BOD1L1: variants seen among roughly 807,000 people sequenced by gnomAD.
BOD1L1 encodes the protein biorientation of chromosomes in cell division 1 like 1.
In BOD1L1, 86 loss-of-function variants were observed where a neutral mutation model predicts 240.7. The ratio of observed to expected loss-of-function variants is 0.36; its 90% confidence interval spans 0.30 to 0.43. BOD1L1 has a LOEUF of 0.43. BOD1L1 is among the 20% of genes least tolerant of loss of function. The probability of loss-of-function intolerance (pLI) is 1.00; values close to 1 mark genes in which losing one functional copy is unlikely to be tolerated. For synonymous variants in BOD1L1, 1,268 were observed against 1,272.3 expected (o/e 1.00, Z 0.07); for missense variants, 3,554 against 3,643.5 (o/e 0.98, Z 0.63).
At chr4:13,579,877 TC>T (rs1713082784) in intron 22 of BOD1L1, 50 bp downstream of exon 22, 1 of 1,454,478 alleles carries the variant, frequency 6.9e-7, no homozygotes, top group Non-Finnish European at 9.3e-7. Flanking sequence ...ACAGCCAGCC[TC>T]TCCTGCCCCT....
chr4:13,617,493 G>A (rs1234018747), intron 2 of BOD1L1, among the ~76,000 whole-genome samples: 1 of 152,190 alleles, frequency 6.6e-6, no homozygotes, highest in African/African-American at 2.4e-5. Flanking sequence ...CCCAAGTGGG[G>A]AGAAGCTACA....
At chr4:13,598,795 T>C (rs981691797) in intron 10 of BOD1L1, 151 bp downstream of exon 10, 1 of 759,938 alleles carries the variant, frequency 1.3e-6, no homozygotes, top group Non-Finnish European at 2.0e-6. Context: ...TGATGAGAGT[T>C]ATTTTGCAAC....
intron 25 of BOD1L1, among the ~76,000 whole-genome samples, chr4:13,570,724 A>G (rs1712141866): frequency 6.6e-6 from 1 of 152,198 alleles, no homozygotes; most frequent in African/African-American, 2.4e-5. Context: ...CTAGAGATGT[A>G]TGAAGTTCCT....
In BOD1L1 at chr4:13,604,700, G is replaced by T; in HGVS notation, c.2200C>A (p.Pro734Thr). 6.3e-7 allele frequency: 1 copy of T among 1,595,824 alleles called. No individual in the cohort carries two copies. The highest frequency in any genetic ancestry group is 1.2e-5 in the South Asian group (1 of 85,894). ...SKEKPEREKT[P>T]SEDKLSVKHK... ...TTCACAGACAATTTGTCTTCCGATGGAGTTTTCTCTCTTTCAGGCTTCTCC... is the reference window on the plus strand; with the variant it reads ...TTCACAGACAATTTGTCTTCCGATGTAGTTTTCTCTCTTTCAGGCTTCTCC... The change falls in exon 10 of 26, where the codon CCA becomes ACA. Residue 734 changes from proline (P) to threonine (T), a missense_variant. Pro to Thr is a conservative substitution (Grantham distance 38). Transcript: ENST00000040738.
intron 1 of BOD1L1, chr4:13,624,925 T>A (rs112572360): frequency 1.3e-4 from 20 of 152,306 alleles, no homozygotes; most frequent in African/African-American, 3.8e-4. Flanking sequence ...ACTCAAGGAT[T>A]CCATTAAAGT....
At chr4:13,607,054 A>C in intron 9 of BOD1L1, 63 bp downstream of exon 9, 1 of 1,104,342 alleles carries the variant, frequency 9.1e-7, no homozygotes. Context: ...GTTTTACTCC[A>C]AAGGAATAAA....
At chr4:13,581,781 C>G (rs1713253287) in intron 19 of BOD1L1, among the ~76,000 whole-genome samples, 1 of 152,150 alleles carries the variant, frequency 6.6e-6, no homozygotes, top group African/African-American at 2.4e-5. Context: ...GTGCATGCAG[C>G]CTCCAGGAAT....
At chr4:13,581,266 T>TA in intron 19 of BOD1L1, 59 bp from the exon 20 acceptor site, 1 of 1,204,132 alleles carries the variant, frequency 8.3e-7, no homozygotes, top group African/African-American at 1.6e-5. Flanking sequence ...TCCTTTATTA[T>TA]ATAAAGTTTT....
At chr4:13,621,846 G>A (rs146757949) in intron 1 of BOD1L1, among the ~76,000 whole-genome samples, 2 of 149,110 alleles carry the variant, frequency 1.3e-5, no homozygotes, top group South Asian at 2.1e-4. Context: ...ATCCAAAATC[G>A]ATATGAACTA....
chr4:13,581,545 T>C (rs1392622024), intron 19 of BOD1L1, among the ~76,000 whole-genome samples: 4 of 152,194 alleles, frequency 2.6e-5, no homozygotes, highest in African/African-American at 9.7e-5. Context: ...GACCAAATGA[T>C]ACCCTTATAA....
At chr4:13,619,879 C>T (rs572939629) in intron 2 of BOD1L1, 64 bp downstream of exon 2, 434 of 1,555,166 alleles carry the variant, frequency 2.8e-4, no homozygotes, top group South Asian at 1.6e-3. Flanking sequence ...GTAATGCCTC[C>T]GCTTTCAGGC....
At chr4:13,573,418 A>ATCTGTCTGTCTG (rs762800220) in intron 25 of BOD1L1, among the ~76,000 whole-genome samples, 2 of 131,350 alleles carry the variant, frequency 1.5e-5, no homozygotes, top group East Asian at 2.5e-4. Flanking sequence ...GCTTCTATCT[A>ATCTGTCTGTCTG]TCTGTCTGTC....
chr4:13,622,166 T>A (rs1435557980), intron 1 of BOD1L1, among the ~76,000 whole-genome samples: 1 of 152,150 alleles, frequency 6.6e-6, no homozygotes, highest in Non-Finnish European at 1.5e-5. Flanking sequence ...TACCCAGCCC[T>A]AAAACTAATT....
chr4:13,581,576 AT>A (rs1475720237), intron 19 of BOD1L1, among the ~76,000 whole-genome samples: 1 of 149,428 alleles, frequency 6.7e-6, no homozygotes, highest in African/African-American at 2.5e-5. Flanking sequence ...GGTCCACTGA[AT>A]ATATCATACA....
At chr4:13,577,263 G>A (rs925588078) in intron 24 of BOD1L1, 140 bp downstream of exon 24, 16 of 783,638 alleles carry the variant, frequency 2.0e-5, no homozygotes, top group African/African-American at 1.8e-4. Context: ...TTTCTGACAC[G>A]GGATTAGACC....
At position 13,581,153 on chromosome 4, in the gene BOD1L1, C is replaced by T. The variant is rs1418059192; in HGVS notation, c.8647G>A (p.Val2883Ile). ...CTACTCATTTTTAACGTTGTTTCTA[C>T]AGGGTATTTGCGAGGTCTTCCTCTT... ...RKRGRPRKYP[V>I]ETTLKMKDDS... Residue 2883 changes from valine (V) to isoleucine (I), a missense_variant, in exon 20 of 26, where the codon GTA becomes ATA. Physicochemically the swap from Val to Ile is conservative, Grantham distance 29. This residue lies in a region of BOD1L1 where 3,393 missense variants were observed against 3,427.1 expected (regional missense o/e 0.99). Coordinates refer to ENST00000040738, the MANE Select transcript of BOD1L1 (RefSeq NM_148894.3). 4 of 1,577,160 alleles carry T rather than the reference C, an allele frequency of 2.5e-6. No homozygotes were observed. The African/African-American group carries it at 5.4e-5, about 21-fold the overall frequency.
chr4:13,579,873 A>G (rs1713082542), intron 22 of BOD1L1, 55 bp downstream of exon 22: 3 of 1,418,090 alleles, frequency 2.1e-6, no homozygotes, highest in Non-Finnish European at 2.9e-6. Flanking sequence ...TCCAACAGCC[A>G]GCCTCTCCTG....
At chr4:13,591,890 A>G (rs1560190180) in intron 13 of BOD1L1, 33 bp downstream of exon 13, 1 of 1,500,098 alleles carries the variant, frequency 6.7e-7, no homozygotes, top group Admixed American at 2.4e-5. Context: ...AAACCCAATA[A>G]CCACAAAAAT....
chr4:13,581,952 AG>A (rs937722338), intron 19 of BOD1L1, among the ~76,000 whole-genome samples: 36 of 152,322 alleles, frequency 2.4e-4, no homozygotes, highest in African/African-American at 7.9e-4. Context: ...TTGCCAGGCC[AG>A]GAACCTGACA....
Sources: gnomAD v4.1 joint callset for allele counts (sites outside exome capture counted in the v4.1 genomes callset) on GRCh38, gnomAD v4.1.1 for gene constraint, gnomAD v4.1.1 regional missense constraint, MANE v1.5 for transcripts, NCBI Gene and HGNC (gene_info 2026-07-23, HGNC 2026-07-21) for gene names.